Variants in CLNK observed in about 807,000 individuals in gnomAD.
The protein encoded by CLNK is cytokine-dependent hematopoietic cell linker.
Under a neutral mutation model 68.6 loss-of-function variants are expected in CLNK, and 74 were observed. That is an observed-to-expected ratio of 1.08 (90% CI 0.89 to 1.31). CLNK has a LOEUF of 1.31. CLNK is among the 50% of genes most tolerant of loss of function. CLNK has a pLI of 0.00. For missense variants in CLNK, 553 were observed against 515.3 expected (o/e 1.07, Z -0.71); for synonymous variants, 198 against 172.2 (o/e 1.15, Z -1.17).
chr4:10,694,762 G>A, the CLNK span, among the ~76,000 whole-genome samples: 1 of 152,122 alleles, frequency 6.6e-6, no homozygotes, highest in African/African-American at 2.4e-5. Flanking sequence ...ACATTTCTCA[G>A]GGTGGGCATG....
At chr4:10,490,895 G>A (rs576779932) in intron 18 of CLNK, among the ~76,000 whole-genome samples, 1 of 151,872 alleles carries the variant, frequency 6.6e-6, no homozygotes, top group South Asian at 2.1e-4. Flanking sequence ...CTCCCAAGTA[G>A]CTGGGATTAC....
chr4:10,520,603 A>ATAATAT (rs1309207307), intron 15 of CLNK, among the ~76,000 whole-genome samples, 188 bp downstream of exon 15: 5 of 152,218 alleles, frequency 3.3e-5, no homozygotes, highest in Non-Finnish European at 7.3e-5. Flanking sequence ...AAAACTAGAA[A>ATAATAT]CCACCTAAGT....
At chr4:10,619,037 A>C (rs1328006674) in intron 2 of CLNK, among the ~76,000 whole-genome samples, 4 of 152,222 alleles carry the variant, frequency 2.6e-5, no homozygotes, top group African/African-American at 7.2e-5. Flanking sequence ...TTTAGCCTTG[A>C]TCAATCATCA....
chr4:10,531,584 G>A (rs1718542078), intron 12 of CLNK: 1 of 361,590 alleles, frequency 2.8e-6, no homozygotes, highest in Admixed American at 3.5e-5. Context: ...TGGGATTACA[G>A]GCATGCGCCA....
chr4:10,722,201 C>T, the CLNK span, among the ~76,000 whole-genome samples: 1 of 152,144 alleles, frequency 6.6e-6, no homozygotes, highest in Admixed American at 6.5e-5. Context: ...ATAAGGTAAA[C>T]ATGCAAGAGG....
At chr4:10,509,820 C>G (rs572867990) in intron 16 of CLNK, among the ~76,000 whole-genome samples, 1 of 152,236 alleles carries the variant, frequency 6.6e-6, no homozygotes, top group Non-Finnish European at 1.5e-5. Flanking sequence ...GTCACTGCAC[C>G]TGGCCAAAAA....
chr4:10,715,887 T>C, the CLNK span, among the ~76,000 whole-genome samples: 1 of 152,116 alleles, frequency 6.6e-6, no homozygotes, highest in Non-Finnish European at 1.5e-5. Context: ...TGTAGGAAAA[T>C]GCATTAAGAG....
At chr4:10,572,409 T>C (rs1002902035) in intron 4 of CLNK, among the ~76,000 whole-genome samples, 29 of 152,218 alleles carry the variant, frequency 1.9e-4, no homozygotes. Flanking sequence ...AAAGATTGCC[T>C]GGGGTCATTG....
the CLNK span, among the ~76,000 whole-genome samples, chr4:10,728,778 G>C: frequency 6.6e-6 from 1 of 151,718 alleles, no homozygotes; most frequent in Non-Finnish European, 1.5e-5. Context: ...TGTATTTTTA[G>C]TAGAGACGGG....
At chr4:10,708,099 T>A in the CLNK span, among the ~76,000 whole-genome samples, 6 of 151,944 alleles carry the variant, frequency 3.9e-5, no homozygotes, top group Non-Finnish European at 7.4e-5. Context: ...AGATTCCCAA[T>A]GACAGGAGGA....
the CLNK span, among the ~76,000 whole-genome samples, chr4:10,698,280 T>C: frequency 9.2e-5 from 14 of 152,306 alleles, no homozygotes; most frequent in Admixed American, 7.2e-4. Flanking sequence ...TTAAACATTA[T>C]TCTTAATACA....
intron 1 of CLNK, among the ~76,000 whole-genome samples, chr4:10,680,625 G>A (rs1334653527): frequency 6.6e-6 from 1 of 152,056 alleles, no homozygotes; most frequent in Non-Finnish European, 1.5e-5. Flanking sequence ...GATGATAATA[G>A]CCACTACCAT....
intron 1 of CLNK, among the ~76,000 whole-genome samples, chr4:10,680,984 C>T (rs577429931): frequency 1.4e-5 from 2 of 146,798 alleles, no homozygotes; most frequent in African/African-American, 2.5e-5. Context: ...TGAGGACGTC[C>T]TGATATATAT....
At chr4:10,508,127 A>G in intron 16 of CLNK, 91 bp from the exon 17 acceptor site, 1 of 950,612 alleles carries the variant, frequency 1.1e-6, no homozygotes. Context: ...TTGCTCCACC[A>G]GTGCCTAATC....
intron 18 of CLNK, 102 bp downstream of exon 18, chr4:10,501,154 C>T: frequency 8.3e-7 from 1 of 1,209,222 alleles, no homozygotes; most frequent in East Asian, 2.6e-5. Flanking sequence ...GCATCCCTCT[C>T]CTTCAGGGCG....
At chr4:10,693,399 A>G in the CLNK span, among the ~76,000 whole-genome samples, 3 of 152,380 alleles carry the variant, frequency 2.0e-5, no homozygotes, top group African/African-American at 7.2e-5. Context: ...CTGTACAGAA[A>G]AGAGAACCCC....
rs747466037 is a variant in CLNK at position 10,489,840 on chromosome 4, G to T, written c.*627C>A. ...CACCACCACGCCCAGCTGATTTTTT[G>T]TATTTTTAGTAGACATGGGGTTTCA... On this transcript the variant is annotated 3_prime_UTR_variant, in exon 19 of 19. Coordinates refer to ENST00000226951, the MANE Select transcript of CLNK (RefSeq NM_052964.4). The T allele has an allele frequency of 1.3e-5, 2 of 151,586 alleles. No homozygotes were observed. The highest frequency in any genetic ancestry group is 1.3e-4 in the Admixed American group (2 of 15,196). 9.4% of individuals were successfully genotyped at this position (151,586 alleles called of 1,614,324 possible).
intron 11 of CLNK, among the ~76,000 whole-genome samples, chr4:10,535,525 C>A (rs1316099194): frequency 3.3e-5 from 5 of 152,122 alleles, no homozygotes; most frequent in Non-Finnish European, 7.3e-5. Flanking sequence ...GTAGTTACGA[C>A]TCAGAAAATG....
chr4:10,606,210 T>C (rs1041801478), intron 2 of CLNK, among the ~76,000 whole-genome samples: 4 of 152,234 alleles, frequency 2.6e-5, no homozygotes, highest in Non-Finnish European at 5.9e-5. Flanking sequence ...TTATTACTTT[T>C]TAAACATTTT....
Sources: allele counts gnomAD v4.1 joint callset (sites outside exome capture counted in the v4.1 genomes callset), GRCh38; gene constraint gnomAD v4.1.1; transcripts MANE v1.5; gene names NCBI Gene and HGNC (gene_info 2026-07-23, HGNC 2026-07-21).